Variants in DNAAF9 observed in about 807,000 individuals in gnomAD.
DNAAF9 encodes the protein shulin.
DNAAF9 carries 90 observed loss-of-function variants against 167.0 expected under a neutral mutation model. That is an observed-to-expected ratio of 0.54 (90% CI 0.45 to 0.64). The LOEUF (loss-of-function observed/expected upper bound fraction) is 0.64. Ranked by LOEUF, DNAAF9 falls within the 30% of genes least tolerant of loss-of-function variation. The pLI is 0.00. For synonymous variants in DNAAF9, 491 were observed against 508.8 expected (o/e 0.96, Z 0.47); for missense variants, 1,315 against 1,442.2 (o/e 0.91, Z 1.43).
In DNAAF9 at chr20:3,249,892, G is replaced by C. The variant is rs1206310165; in HGVS notation, c.*2680C>G. ...GTCAGATAGCCCCCAGGGCTCAGAG[G>C]GGCCGGCTCAACTCCTTGCCAACGG... On this transcript the variant is annotated 3_prime_UTR_variant, in exon 37 of 37. Coordinates refer to ENST00000252032, the MANE Select transcript of DNAAF9 (RefSeq NM_001009984.3). 2.0e-5 allele frequency: 3 copies of C among 151,796 alleles called. No individual in the cohort carries two copies. The highest frequency in any genetic ancestry group is 7.3e-5 in the African/African-American group (3 of 41,100). 9.4% of individuals were successfully genotyped at this position (151,796 alleles called of 1,614,324 possible).
At chr20:3,306,786 C>T in intron 20 of DNAAF9, 1 of 402,890 alleles carries the variant, frequency 2.5e-6, no homozygotes, top group Non-Finnish European at 3.4e-6. Flanking sequence ...TGCTGTCTCC[C>T]CACTCCTTCC....
At chr20:3,267,840 A>G (rs1270812488) in intron 30 of DNAAF9, among the ~76,000 whole-genome samples, 2 of 152,008 alleles carry the variant, frequency 1.3e-5, no homozygotes, top group Non-Finnish European at 2.9e-5. Context: ...GTCTAAATAA[A>G]ATAAAATAAA....
rs1477289728 is a variant in DNAAF9 at position 3,255,303 on chromosome 20, G to A, written c.3262-19C>T. 1.3e-6 allele frequency: 2 copies of A among 1,516,518 alleles called. No individual in the cohort carries two copies. Among genetic ancestry groups the A allele is most frequent in the Non-Finnish European group, 1.8e-6 (2 of 1,115,524 alleles). The allele number at this position is 1,516,518 out of a possible 1,614,324, so 93.9% of individuals were successfully genotyped here. A position where few individuals can be genotyped will look rare whatever the true frequency, so the allele number is the denominator to read the frequency against. On this transcript the variant is annotated intron_variant, in intron 34 of 36. Coordinates refer to ENST00000252032, the MANE Select transcript of DNAAF9 (RefSeq NM_001009984.3). Reference sequence around the variant, plus strand: ...GAGGCTTCTGCAGAGATGGGGAGTGGAGGGTCAGGTCCCAGCAGAACTCAT... The same window carrying A: ...GAGGCTTCTGCAGAGATGGGGAGTGAAGGGTCAGGTCCCAGCAGAACTCAT...
chr20:3,391,365 C>T (rs2083823181), intron 1 of DNAAF9, among the ~76,000 whole-genome samples: 2 of 152,138 alleles, frequency 1.3e-5, no homozygotes. Flanking sequence ...ATGACCCACA[C>T]TCCCAGCAGC....
At chr20:3,306,918 C>T (rs777879509) in intron 20 of DNAAF9, 3 of 985,342 alleles carry the variant, frequency 3.0e-6, no homozygotes, top group Non-Finnish European at 2.4e-6. Flanking sequence ...ATAGGTGTCA[C>T]GAGGTAGAAA....
At chr20:3,375,827 G>A (rs6133037) in intron 4 of DNAAF9, among the ~76,000 whole-genome samples, 25,156 of 151,534 alleles carry the variant, frequency 0.17, 2,267 homozygotes, top group Non-Finnish European at 0.19. Context: ...CAGCCTGGGC[G>A]ACAGAGTGAG....
rs149577749 is a variant in DNAAF9, at chr20:3,352,303, G to A, written c.691-3680C>T. 7.1e-3 allele frequency among the ~76,000 whole-genome samples: 1,079 copies of A among 152,204 alleles called. 7 individuals are homozygous for A. Among genetic ancestry groups the A allele is most frequent in the Non-Finnish European group, 9.9e-3 (676 of 68,012 alleles). Reference sequence around the variant, plus strand: ...CGGCCCGATAAACCAATCCTTTTGGGTCTGGGTTTCTGACTCCCTGCTATC... The same window carrying A: ...CGGCCCGATAAACCAATCCTTTTGGATCTGGGTTTCTGACTCCCTGCTATC... On this transcript the variant is annotated intron_variant, in intron 7 of 36. Transcript: ENST00000252032.
chr20:3,364,379 AG>A (rs1475641275), intron 6 of DNAAF9, among the ~76,000 whole-genome samples: 7 of 152,134 alleles, frequency 4.6e-5, no homozygotes, highest in African/African-American at 1.7e-4. Context: ...TCTGGAAAGC[AG>A]TTAAGTAACT....
intron 1 of DNAAF9, among the ~76,000 whole-genome samples, chr20:3,406,758 ATTTATCC>A (rs1354081166): frequency 6.6e-6 from 1 of 151,908 alleles, no homozygotes; most frequent in African/African-American, 2.4e-5. Flanking sequence ...TCTTTCCCCT[ATTTATCC>A]AGTTTTTCCT....
chr20:3,348,828 A>C (rs1369904699), intron 7 of DNAAF9, among the ~76,000 whole-genome samples: 1 of 152,158 alleles, frequency 6.6e-6, no homozygotes, highest in Non-Finnish European at 1.5e-5. Context: ...TGGATGTAGA[A>C]AACCACCTGA....
At chr20:3,267,590 TTTGGGAGGCCGAGGTGGGTGGATCAC>T (rs766867002) in intron 30 of DNAAF9, among the ~76,000 whole-genome samples, 54 of 151,418 alleles carry the variant, frequency 3.6e-4, no homozygotes, top group Non-Finnish European at 5.6e-4. Flanking sequence ...ACATTTGATC[TTTGGGAGGCCGAGGTGGGTGGATCAC>T]TTGAGGCCAG....
rs1454261945 is a variant in DNAAF9 at position 3,252,465 on chromosome 20, A to G, written c.*107T>C. 5 of 710,632 alleles carry G rather than the reference A, an allele frequency of 7.0e-6. No individual in the cohort carries two copies. In the Admixed American group the frequency reaches 1.1e-4, roughly 15 times the overall value. 44.0% of individuals were successfully genotyped at this position (710,632 alleles called of 1,614,324 possible). A position where few individuals can be genotyped will look rare whatever the true frequency, so the allele number is the denominator to read the frequency against. On this transcript the variant is annotated 3_prime_UTR_variant, in exon 37 of 37. Coordinates refer to ENST00000252032, the MANE Select transcript of DNAAF9 (RefSeq NM_001009984.3). ...CCAGCCCACACAGGCCAAGGAGAAC[A>G]AAGACAGCCCCTTAAGGGAGAGGCC...
At chr20:3,351,276 C>A (rs1157241805) in intron 7 of DNAAF9, among the ~76,000 whole-genome samples, 1 of 152,022 alleles carries the variant, frequency 6.6e-6, no homozygotes, top group Non-Finnish European at 1.5e-5. Flanking sequence ...GCCTTAGCAC[C>A]TTACTAAGAC....
chr20:3,298,630 T>C (rs1047993588), intron 21 of DNAAF9, among the ~76,000 whole-genome samples: 1 of 152,082 alleles, frequency 6.6e-6, no homozygotes, highest in Non-Finnish European at 1.5e-5. Context: ...TGGATTTTTT[T>C]CCCCTATACT....
intron 6 of DNAAF9, among the ~76,000 whole-genome samples, chr20:3,360,845 C>T (rs550135969): frequency 5.3e-5 from 8 of 152,330 alleles, no homozygotes; most frequent in South Asian, 2.1e-4. Context: ...AGAAGGATCA[C>T]GTGTGCTTCC....
chr20:3,399,735 G>A (rs944366037), intron 1 of DNAAF9, among the ~76,000 whole-genome samples: 3 of 152,130 alleles, frequency 2.0e-5, no homozygotes, highest in Non-Finnish European at 4.4e-5. Flanking sequence ...TGATCATGGA[G>A]CTATGGTGAA....
At chr20:3,291,855 C>T (rs778738288) in intron 25 of DNAAF9, among the ~76,000 whole-genome samples, 4 of 152,138 alleles carry the variant, frequency 2.6e-5, no homozygotes, top group Non-Finnish European at 5.9e-5. Flanking sequence ...TTCTACCCCT[C>T]AGGCAGTACT....
intron 33 of DNAAF9, among the ~76,000 whole-genome samples, chr20:3,258,975 TG>T (rs2068330703): frequency 6.6e-6 from 1 of 152,250 alleles, no homozygotes; most frequent in African/African-American, 2.4e-5. Context: ...TGACTCCTAC[TG>T]GTTTTGAGGC....
chr20:3,390,496 C>G (rs895267460), intron 1 of DNAAF9, among the ~76,000 whole-genome samples: 8 of 151,926 alleles, frequency 5.3e-5, no homozygotes, highest in Admixed American at 3.3e-4. Context: ...CTCCCTGTAG[C>G]TGGGATTACA....
Sources: allele counts gnomAD v4.1 joint callset (sites outside exome capture counted in the v4.1 genomes callset), GRCh38; gene constraint gnomAD v4.1.1; transcripts MANE v1.5; gene names NCBI Gene and HGNC (gene_info 2026-07-23, HGNC 2026-07-21).